Variants in SMIM10L3 observed in about 807,000 individuals in gnomAD.
SMIM10L3 encodes the protein salivary gland specific protein SAGSIN1.
At chr7:6,340,131 C>T in the SMIM10L3 span, among the ~76,000 whole-genome samples, 4 of 152,064 alleles carry the variant, frequency 2.6e-5, no homozygotes, top group East Asian at 5.8e-4. Context: ...GTGATCCGCC[C>T]GCCTCGGCCT....
chr7:6,330,793 C>G, the SMIM10L3 span: 1 of 1,614,176 alleles, frequency 6.2e-7, no homozygotes, highest in Non-Finnish European at 8.5e-7. Context: ...AGCTTCAACA[C>G]CACTGCAGGA....
chr7:6,348,260 A>G, the SMIM10L3 span, among the ~76,000 whole-genome samples: 16 of 151,180 alleles, frequency 1.1e-4, no homozygotes, highest in African/African-American at 3.9e-4. Context: ...TTTGGGAACT[A>G]GAAAATTCAC....
chr7:6,341,578 T>A, the SMIM10L3 span, among the ~76,000 whole-genome samples: 2 of 148,962 alleles, frequency 1.3e-5, no homozygotes, highest in South Asian at 2.1e-4. Flanking sequence ...TAGTCCCAGC[T>A]ACTCGGGAGG....
At chr7:6,348,834 G>C in the SMIM10L3 span, 11 of 394,024 alleles carry the variant, frequency 2.8e-5, no homozygotes, top group East Asian at 3.2e-4. Flanking sequence ...ACCCTCGCCT[G>C]GCGTGCTCAG....
At chr7:6,348,708 G>T in the SMIM10L3 span, 3 of 425,642 alleles carry the variant, frequency 7.0e-6, no homozygotes, top group South Asian at 1.9e-4. Context: ...AGGAGCGGGC[G>T]GCGGCCGAGC....
chr7:6,337,414 G>A, the SMIM10L3 span, among the ~76,000 whole-genome samples: 282 of 151,988 alleles, frequency 1.9e-3, 9 homozygotes, highest in Middle Eastern at 6.8e-3. Flanking sequence ...GAGCCACTGC[G>A]CCCGCCCAGT....
chr7:6,348,950 A>T, the SMIM10L3 span: 6,441 of 379,522 alleles, frequency 0.017, 109 homozygotes, highest in East Asian at 0.052. Context: ...CGCCTGTACC[A>T]GCCTGGCCGC....
chr7:6,334,309 G>A, the SMIM10L3 span, among the ~76,000 whole-genome samples: 1 of 151,418 alleles, frequency 6.6e-6, no homozygotes, highest in Non-Finnish European at 1.5e-5. Context: ...GCCTAGCTGG[G>A]TGGATCACCT....
At chr7:6,335,752 A>G in the SMIM10L3 span, among the ~76,000 whole-genome samples, 4 of 152,152 alleles carry the variant, frequency 2.6e-5, no homozygotes, top group African/African-American at 9.7e-5. Context: ...TATTTGAACC[A>G]GGCCAGGTGC....
chr7:6,334,308 G>A, the SMIM10L3 span, among the ~76,000 whole-genome samples: 2 of 151,276 alleles, frequency 1.3e-5, no homozygotes, highest in African/African-American at 2.4e-5. Context: ...GGCCTAGCTG[G>A]GTGGATCACC....
At chr7:6,330,808 C>G in the SMIM10L3 span, 1 of 1,614,156 alleles carries the variant, frequency 6.2e-7, no homozygotes. Context: ...GCAGGACACC[C>G]GAGCAAAACA....
the SMIM10L3 span, among the ~76,000 whole-genome samples, chr7:6,340,712 A>G: frequency 1.3e-5 from 2 of 151,892 alleles, no homozygotes; most frequent in Admixed American, 1.3e-4. Flanking sequence ...ATCCTGGCTA[A>G]CACGGTAAAA....
the SMIM10L3 span, among the ~76,000 whole-genome samples, chr7:6,338,012 C>T: frequency 6.6e-6 from 1 of 152,012 alleles, no homozygotes; most frequent in Admixed American, 6.6e-5. Flanking sequence ...CCATGTTGGC[C>T]AGGCTGCTCT....
chr7:6,344,511 C>T, the SMIM10L3 span, among the ~76,000 whole-genome samples: 2 of 152,094 alleles, frequency 1.3e-5, no homozygotes, highest in African/African-American at 4.8e-5. Flanking sequence ...CCTCCTCGAC[C>T]TTCTGGCCTC....
the SMIM10L3 span, chr7:6,338,759 T>C: frequency 6.6e-6 from 1 of 152,360 alleles, no homozygotes; most frequent in African/African-American, 2.4e-5. Flanking sequence ...ACCCAAGCTA[T>C]TCCTGGCCTC....
At chr7:6,348,737 G>A in the SMIM10L3 span, 2 of 412,558 alleles carry the variant, frequency 4.8e-6, no homozygotes, top group Non-Finnish European at 8.6e-6. Context: ...CGGACAGCCA[G>A]GCCCGACAGA....
chr7:6,343,374 T>G, the SMIM10L3 span, among the ~76,000 whole-genome samples: 1 of 138,616 alleles, frequency 7.2e-6, no homozygotes, highest in Non-Finnish European at 1.5e-5. Context: ...TGAAACTCCG[T>G]CTCAAAAAAA....
At chr7:6,337,917 C>T in the SMIM10L3 span, among the ~76,000 whole-genome samples, 1 of 151,554 alleles carries the variant, frequency 6.6e-6, no homozygotes, top group Admixed American at 6.6e-5. Flanking sequence ...AATTCTCCTG[C>T]CTCACCCTCC....
chr7:6,338,262 CAT>C, the SMIM10L3 span, among the ~76,000 whole-genome samples: 2 of 152,132 alleles, frequency 1.3e-5, no homozygotes, highest in Non-Finnish European at 2.9e-5. Context: ...TGAGTTTTTT[CAT>C]AGTTTTTTCT....
Sources: allele counts gnomAD v4.1 joint callset (sites outside exome capture counted in the v4.1 genomes callset), GRCh38; gene constraint gnomAD v4.1.1; transcripts MANE v1.5; gene names NCBI Gene and HGNC (gene_info 2026-07-23, HGNC 2026-07-21).